Variants in PPP1R13B observed in about 807,000 individuals in gnomAD.
PPP1R13B encodes the protein protein phosphatase 1 regulatory subunit 13B.
A neutral mutation model predicts 119.8 loss-of-function variants in PPP1R13B; 44 were observed. That is an observed-to-expected ratio of 0.37 (90% confidence interval 0.29 to 0.47). PPP1R13B has a LOEUF of 0.47. Among genes scored for constraint, PPP1R13B ranks in the 20% least tolerant of loss-of-function variants. The probability of loss-of-function intolerance (pLI) is 0.99; values close to 1 mark genes in which losing one functional copy is unlikely to be tolerated. For missense variants in PPP1R13B, 1,227 were observed against 1,413.5 expected (o/e 0.87, Z 2.12); for synonymous variants, 542 against 561.5 (o/e 0.97, Z 0.49).
intron 1 of PPP1R13B, among the ~76,000 whole-genome samples, chr14:103,842,299 TTC>T (rs1307331072): frequency 8.3e-6 from 1 of 120,740 alleles, no homozygotes; most frequent in African/African-American, 3.3e-5. Flanking sequence ...CCAGAGTGCC[TTC>T]TTTTTTTTTT....
At chr14:103,746,832 T>G in intron 8 of PPP1R13B, 1 of 256,384 alleles carries the variant, frequency 3.9e-6, no homozygotes, top group Non-Finnish European at 7.4e-6. Context: ...CACATGCAGC[T>G]TCCCTCTTAC....
At chr14:103,799,480 A>T (rs754405306) in intron 1 of PPP1R13B, among the ~76,000 whole-genome samples, 1 of 150,236 alleles carries the variant, frequency 6.7e-6, no homozygotes, top group African/African-American at 2.5e-5. Context: ...GCCCAGCCTT[A>T]TTTTGTATTT....
At chr14:103,747,278 T>G (rs1215739850) in intron 8 of PPP1R13B, 2 of 152,186 alleles carry the variant, frequency 1.3e-5, no homozygotes, top group Non-Finnish European at 2.9e-5. Context: ...ACAGGTCATT[T>G]CGGGGTGAGG....
chr14:103,746,041 G>C (rs1212891005), intron 9 of PPP1R13B, among the ~76,000 whole-genome samples: 1 of 152,180 alleles, frequency 6.6e-6, no homozygotes, highest in Non-Finnish European at 1.5e-5. Context: ...CCTGACCTCA[G>C]GTGATCCACC....
chr14:103,734,492 A>G lies in PPP1R13B; in HGVS notation c.*662T>C. On this transcript the variant is annotated 3_prime_UTR_variant, in exon 17 of 17. Coordinates refer to ENST00000202556, the MANE Select transcript of PPP1R13B (RefSeq NM_015316.3). ...GCTCTCCCAGTTGTCACTTGGTCTT[A>G]GGGGTCCTGGTGCCCGTGGCGCGGC... The G allele has an allele frequency of 2.2e-6, 1 of 456,210 alleles. No individual in the cohort carries two copies. The highest frequency in any genetic ancestry group is 4.4e-6 in the Non-Finnish European group (1 of 226,744). 28.3% of individuals were successfully genotyped at this position (456,210 alleles called of 1,614,324 possible).
chr14:103,762,374 C>T (rs2084827304), intron 4 of PPP1R13B, among the ~76,000 whole-genome samples: 1 of 142,498 alleles, frequency 7.0e-6, no homozygotes, highest in African/African-American at 2.6e-5. Flanking sequence ...TCTTGATATG[C>T]TGATTTTAAT....
intron 4 of PPP1R13B, chr14:103,763,220 G>C: frequency 1.8e-6 from 1 of 553,214 alleles, no homozygotes; most frequent in Non-Finnish European, 3.3e-6. Context: ...AGGGTTGAAA[G>C]GTTGACTTGG....
At chr14:103,835,645 G>C (rs1242685390) in intron 1 of PPP1R13B, among the ~76,000 whole-genome samples, 2 of 149,616 alleles carry the variant, frequency 1.3e-5, no homozygotes, top group African/African-American at 2.5e-5. Flanking sequence ...GTCTCGCTTT[G>C]CCGCCCAGGC....
At chr14:103,844,660 T>C (rs2086987286) in intron 1 of PPP1R13B, among the ~76,000 whole-genome samples, 1 of 151,162 alleles carries the variant, frequency 6.6e-6, no homozygotes, top group African/African-American at 2.4e-5. Context: ...ACCTGGGAGG[T>C]GGAGGTTGCG....
intron 4 of PPP1R13B, among the ~76,000 whole-genome samples, chr14:103,769,900 A>G (rs1487927236): frequency 6.6e-6 from 1 of 152,196 alleles, no homozygotes; most frequent in Non-Finnish European, 1.5e-5. Context: ...AGCCTCTCTA[A>G]CATCTCATTA....
chr14:103,770,830 G>A (rs901213796), intron 4 of PPP1R13B, among the ~76,000 whole-genome samples: 1 of 152,130 alleles, frequency 6.6e-6, no homozygotes, highest in Non-Finnish European at 1.5e-5. Flanking sequence ...AAACTACAGG[G>A]ACCAAAAATA....
At chr14:103,821,840 C>T (rs1480166799) in intron 1 of PPP1R13B, among the ~76,000 whole-genome samples, 1 of 152,028 alleles carries the variant, frequency 6.6e-6, no homozygotes, top group African/African-American at 2.4e-5. Context: ...CATAAGAGGG[C>T]TCCATAAATA....
At chr14:103,816,516 G>C (rs1263353047) in intron 1 of PPP1R13B, among the ~76,000 whole-genome samples, 1 of 150,078 alleles carries the variant, frequency 6.7e-6, no homozygotes, top group Non-Finnish European at 1.5e-5. Context: ...GTGAAACCCC[G>C]TCTCTGCTAA....
In PPP1R13B at chr14:103,806,145, T is replaced by G. The variant is rs560850897; in HGVS notation, c.10-8627A>C. On this transcript the variant is annotated intron_variant, in intron 1 of 16. Transcript: ENST00000202556. ...GGAATAGGAAGCCCAAGTTCTATCC[T>G]TAGCTATGGCATTGACTGCTGCAAC... 3.3e-4 allele frequency among the ~76,000 whole-genome samples: 50 copies of G among 152,344 alleles called. 1 individual carries two copies. The South Asian group carries it at 5.0e-3, about 15-fold the overall frequency.
At chr14:103,769,678 T>C (rs1388736939) in intron 4 of PPP1R13B, among the ~76,000 whole-genome samples, 2 of 152,252 alleles carry the variant, frequency 1.3e-5, no homozygotes, top group Non-Finnish European at 2.9e-5. Context: ...TTCATCAGTA[T>C]GAAATCATTC....
At chr14:103,805,465 G>C (rs1252547061) in intron 1 of PPP1R13B, among the ~76,000 whole-genome samples, 1 of 151,990 alleles carries the variant, frequency 6.6e-6, no homozygotes. Flanking sequence ...CAGCTACTCA[G>C]GAAGCCTAGG....
chr14:103,846,402 G>T (rs1328532139), intron 1 of PPP1R13B, among the ~76,000 whole-genome samples: 1 of 152,158 alleles, frequency 6.6e-6, no homozygotes, highest in Non-Finnish European at 1.5e-5. Context: ...TGTGAAATGT[G>T]ATTTTCAACG....
intron 11 of PPP1R13B, 143 bp downstream of exon 11, chr14:103,741,647 C>T (rs1446516417): frequency 9.1e-7 from 1 of 1,096,568 alleles, no homozygotes; most frequent in Non-Finnish European, 1.3e-6. Flanking sequence ...CTCACACTGA[C>T]ACCCAAGGCT....
At chr14:103,745,780 G>C (rs758300448) in intron 9 of PPP1R13B, among the ~76,000 whole-genome samples, 2 of 152,148 alleles carry the variant, frequency 1.3e-5, no homozygotes, top group Non-Finnish European at 2.9e-5. Context: ...AGTAAGAGAG[G>C]ACACTCGTGG....
Sources: allele counts gnomAD v4.1 joint callset (sites outside exome capture counted in the v4.1 genomes callset), GRCh38; gene constraint gnomAD v4.1.1; transcripts MANE v1.5; gene names NCBI Gene and HGNC (gene_info 2026-07-23, HGNC 2026-07-21).